The following PDE1C variants were observed in gnomAD, a reference collection of about 807,000 sequenced individuals.
PDE1C encodes the protein dual specificity calcium/calmodulin-dependent 3',5'-cyclic nucleotide phosphodiesterase 1C.
In PDE1C, 62 loss-of-function variants were observed where a neutral mutation model predicts 93.1. The observed-to-expected ratio is 0.67, with a 90% CI of 0.54 to 0.82. The LOEUF (loss-of-function observed/expected upper bound fraction) is 0.82, where lower values mean the gene tolerates loss of function less well. PDE1C is among the 40% of genes least tolerant of loss of function. PDE1C has a pLI of 0.00. For missense variants in PDE1C, 742 were observed against 884.6 expected (o/e 0.84, Z 2.04); for synonymous variants, 325 against 310.1 (o/e 1.05, Z -0.50).
At chr7:31,666,611 T>G in the PDE1C span, among the ~76,000 whole-genome samples, 2 of 152,188 alleles carry the variant, frequency 1.3e-5, no homozygotes, top group Non-Finnish European at 2.9e-5. Flanking sequence ...TAAAGTCAGG[T>G]TATTGAGGTA....
At chr7:32,068,972 C>T (rs771447599) in intron 1 of PDE1C, among the ~76,000 whole-genome samples, 13 of 152,196 alleles carry the variant, frequency 8.5e-5, no homozygotes, top group Admixed American at 4.6e-4. Context: ...AGAGCTGCTG[C>T]GTTGCAGGCA....
At chr7:31,658,603 G>A in the PDE1C span, 4 of 306,456 alleles carry the variant, frequency 1.3e-5, no homozygotes, top group Non-Finnish European at 2.3e-5. Context: ...GAGAATTGTA[G>A]GTTATTAAAA....
At chr7:32,348,356 C>CTTTTT (rs59148183) in intron 1 of PDE1C, among the ~76,000 whole-genome samples, 2 of 57,336 alleles carry the variant, frequency 3.5e-5, no homozygotes, top group African/African-American at 6.2e-5. Context: ...AACAAATGTG[C>CTTTTT]TTTTTTTTTT....
At chr7:31,944,629 G>A (rs1025696530) in intron 2 of PDE1C, among the ~76,000 whole-genome samples, 1 of 152,164 alleles carries the variant, frequency 6.6e-6, no homozygotes, top group Non-Finnish European at 1.5e-5. Flanking sequence ...CAAACTGAAA[G>A]AATTTTAAAA....
intron 1 of PDE1C, among the ~76,000 whole-genome samples, chr7:32,325,821 G>A (rs941231054): frequency 6.6e-6 from 1 of 152,196 alleles, no homozygotes; most frequent in Non-Finnish European, 1.5e-5. Flanking sequence ...TACTTTCCCT[G>A]AGTGAGATGA....
chr7:31,831,476 G>GCACACACA lies in PDE1C; in HGVS notation c.1204-3111_1204-3104dup, dbSNP rs3842163. Among the ~76,000 whole-genome samples the GCACACACA allele has an allele frequency of 1.9e-3, 274 of 141,120 alleles. 2 individuals are homozygous for GCACACACA. In the South Asian group the frequency reaches 0.022, roughly 11 times the overall value. The allele number at this position is 141,120 out of a possible 152,430, so 92.6% of individuals were successfully genotyped here. A position where few individuals can be genotyped will look rare whatever the true frequency, so the allele number is the denominator to read the frequency against. ...GCCCTACAAAAGTAAGGAAGTAAAG[G>GCACACACA]CACACACACACACACATGCACGCAC... On this transcript the variant is annotated intron_variant, in intron 11 of 17. Transcript: ENST00000396191.
chr7:32,264,440 G>C lies in PDE1C; in HGVS notation c.85+34211C>G, dbSNP rs138884328. Among the ~76,000 whole-genome samples the C allele has an allele frequency of 1.2e-3, 184 of 152,226 alleles. 1 individual carries two copies. The highest frequency in any genetic ancestry group is 4.2e-3 in the African/African-American group (176 of 41,540). On this transcript the variant is annotated intron_variant, in intron 1 of 18. Transcript: ENST00000396193. The stretch of plus-strand genomic sequence containing the variant: ...GCTCAGAGTCACACATCTACCAAGC[G>C]ACTACACCGAAATGTAAACCTAGTT...
chr7:31,749,756 G>A (rs62448788), downstream of PDE1C, among the ~76,000 whole-genome samples: 1 of 42,956 alleles, frequency 2.3e-5, no homozygotes, highest in African/African-American at 6.2e-5. Flanking sequence ...TTTTTTATTT[G>A]AGACAGAGTC....
chr7:31,882,768 AAC>A (rs1797407973), intron 2 of PDE1C, among the ~76,000 whole-genome samples: 1 of 152,152 alleles, frequency 6.6e-6, no homozygotes, highest in African/African-American at 2.4e-5. Context: ...AAATGACAAA[AAC>A]CAAGAAAATG....
chr7:31,692,164 AC>A, the PDE1C span, among the ~76,000 whole-genome samples: 3 of 152,166 alleles, frequency 2.0e-5, no homozygotes, highest in Admixed American at 2.0e-4. Flanking sequence ...CAAATATTGG[AC>A]ATTTGATACA....
chr7:32,045,082 C>A (rs1792359343), intron 2 of PDE1C, among the ~76,000 whole-genome samples: 1 of 148,542 alleles, frequency 6.7e-6, no homozygotes, highest in Admixed American at 6.7e-5. Flanking sequence ...TTCCCCCCAC[C>A]GACTCCTGCT....
chr7:31,742,246 T>G, the PDE1C span, among the ~76,000 whole-genome samples: 1 of 152,148 alleles, frequency 6.6e-6, no homozygotes, highest in East Asian at 1.9e-4. Flanking sequence ...AGACCCTGAG[T>G]CCTGTGCTCT....
chr7:32,140,285 G>A (rs1018233915), intron 3 of PDE1C, among the ~76,000 whole-genome samples: 3 of 152,200 alleles, frequency 2.0e-5, no homozygotes, highest in Non-Finnish European at 4.4e-5. Context: ...AAATAGCAGT[G>A]TCAAGACTGA....
At chr7:31,992,483 G>A (rs901249850) in intron 2 of PDE1C, among the ~76,000 whole-genome samples, 1 of 152,204 alleles carries the variant, frequency 6.6e-6, no homozygotes, top group African/African-American at 2.4e-5. Flanking sequence ...TTGTTGGAGG[G>A]CAGGGATGTG....
At chr7:32,112,865 T>C (rs865895272) in intron 3 of PDE1C, among the ~76,000 whole-genome samples, 11 of 144,840 alleles carry the variant, frequency 7.6e-5, no homozygotes, top group African/African-American at 2.4e-4. Context: ...TATATATATA[T>C]ATATATATCT....
intron 2 of PDE1C, among the ~76,000 whole-genome samples, chr7:31,937,042 T>C (rs1296263209): frequency 3.9e-5 from 6 of 152,174 alleles, no homozygotes; most frequent in African/African-American, 1.4e-4. Flanking sequence ...CAAAGATTTA[T>C]TGACTGGCAA....
chr7:32,074,544 T>C (rs1267024890), upstream of PDE1C, among the ~76,000 whole-genome samples: 1 of 152,224 alleles, frequency 6.6e-6, no homozygotes, highest in African/African-American at 2.4e-5. Flanking sequence ...AAGGCAAAGC[T>C]CATGTTCTCT....
At chr7:31,868,269 C>T (rs1389068946) in intron 6 of PDE1C, among the ~76,000 whole-genome samples, 3 of 151,792 alleles carry the variant, frequency 2.0e-5, no homozygotes, top group African/African-American at 7.3e-5. Flanking sequence ...CAGTGATATA[C>T]AAGAGAATAC....
At chr7:31,941,632 A>T (rs1299697175) in intron 2 of PDE1C, 1 of 134,314 alleles carries the variant, frequency 7.4e-6, no homozygotes, top group Non-Finnish European at 1.6e-5. Context: ...GTATTTAGTT[A>T]TCCTCCCAAC....
Sources: allele counts gnomAD v4.1 joint callset (sites outside exome capture counted in the v4.1 genomes callset), GRCh38; gene constraint gnomAD v4.1.1; transcripts MANE v1.5; gene names NCBI Gene and HGNC (gene_info 2026-07-23, HGNC 2026-07-21).